The following SLC26A7 variants were observed in gnomAD, a reference collection of about 807,000 sequenced individuals.
The protein encoded by SLC26A7 is solute carrier family 26 member 7.
In SLC26A7, 59 loss-of-function variants were observed where a neutral mutation model predicts 82.5. The observed-to-expected ratio is 0.72, with a 90% CI of 0.58 to 0.89. The LOEUF (loss-of-function observed/expected upper bound fraction) is 0.89. SLC26A7 is among the 40% of genes least tolerant of loss of function. SLC26A7 has a pLI of 0.00. For missense variants in SLC26A7, 820 were observed against 793.0 expected (o/e 1.03, Z -0.41); for synonymous variants, 271 against 274.3 (o/e 0.99, Z 0.12).
In SLC26A7 at chr8:91,277,637, C is replaced by G. The variant is rs143954800; in HGVS notation, c.194-11499C>G. Reference sequence around the variant, plus strand: ...TATGGCCCTATAACCAGAACATTATCAATAAACTTGTTAATGTCTGCAATT... The same window carrying G: ...TATGGCCCTATAACCAGAACATTATGAATAAACTTGTTAATGTCTGCAATT... On this transcript the variant is annotated intron_variant, in intron 2 of 18. Coordinates refer to ENST00000276609, the MANE Select transcript of SLC26A7 (RefSeq NM_052832.4). Among the ~76,000 whole-genome samples the G allele has an allele frequency of 3.9e-5, 6 of 152,152 alleles. No homozygotes were observed. The East Asian group carries it at 1.2e-3, about 29-fold the overall frequency.
At chr8:91,255,055 A>C (rs2130704719) in intron 2 of SLC26A7, among the ~76,000 whole-genome samples, 1 of 152,266 alleles carries the variant, frequency 6.6e-6, no homozygotes, top group Admixed American at 6.5e-5. Context: ...CTCTGTTTCC[A>C]ACATGAAAAC....
chr8:91,267,548 T>C (rs1482133478), intron 2 of SLC26A7, among the ~76,000 whole-genome samples: 1 of 151,884 alleles, frequency 6.6e-6, no homozygotes, highest in African/African-American at 2.4e-5. Flanking sequence ...CATTGGTCAA[T>C]AGTTGTTCAC....
chr8:91,390,820 TGCC>T (rs1814945771), intron 16 of SLC26A7, among the ~76,000 whole-genome samples: 2 of 152,304 alleles, frequency 1.3e-5, no homozygotes, highest in East Asian at 3.9e-4. Flanking sequence ...GGCAGAAAGC[TGCC>T]ATGATCGGAG....
At chr8:91,324,040 T>A (rs1309559779) in intron 5 of SLC26A7, among the ~76,000 whole-genome samples, 1 of 152,102 alleles carries the variant, frequency 6.6e-6, no homozygotes, top group Non-Finnish European at 1.5e-5. Context: ...TCAGCCAGGC[T>A]GGTCTTGAAC....
At chr8:91,353,033 G>T in intron 11 of SLC26A7, 37 bp downstream of exon 11, 1 of 1,443,854 alleles carries the variant, frequency 6.9e-7, no homozygotes, top group Non-Finnish European at 9.6e-7. Flanking sequence ...TCCCTTTTTA[G>T]CTTAAGCTTA....
intron 2 of SLC26A7, among the ~76,000 whole-genome samples, chr8:91,279,123 G>GTATATATATATA (rs1223990677): frequency 1.3e-5 from 1 of 78,766 alleles, no homozygotes; most frequent in Non-Finnish European, 2.3e-5. Context: ...GTGTGTGTGT[G>GTATATATATATA]TGTATATATA....
At chr8:91,261,355 G>A (rs1319909807) in intron 2 of SLC26A7, among the ~76,000 whole-genome samples, 1 of 152,090 alleles carries the variant, frequency 6.6e-6, no homozygotes, top group African/African-American at 2.4e-5. Context: ...ATATGATCTT[G>A]TTATTTTAAC....
chr8:91,244,286 C>T (rs1260691110), intron 2 of SLC26A7, among the ~76,000 whole-genome samples: 1 of 152,012 alleles, frequency 6.6e-6, no homozygotes, highest in Non-Finnish European at 1.5e-5. Flanking sequence ...TTACTGCTTT[C>T]TCCTTTGCCT....
At chr8:91,295,741 A>T (rs1811999657) in intron 4 of SLC26A7, 38 bp downstream of exon 4, 1 of 1,589,596 alleles carries the variant, frequency 6.3e-7, no homozygotes, top group Admixed American at 1.8e-5. Flanking sequence ...AGAAAGGGAC[A>T]CAGCGGCACA....
chr8:91,224,505 A>G (rs1168653207), intron 2 of SLC26A7, among the ~76,000 whole-genome samples: 1 of 152,102 alleles, frequency 6.6e-6, no homozygotes, highest in East Asian at 1.9e-4. Flanking sequence ...ATTTGCTCCC[A>G]TGCCTGGAGA....
chr8:91,338,236 A>AT lies in SLC26A7; in HGVS notation c.878+5dup, dbSNP rs780719623. The AT allele has an allele frequency of 6.3e-7, 1 of 1,587,882 alleles. No individual in the cohort carries two copies. Among genetic ancestry groups the AT allele is most frequent in the South Asian group, 1.2e-5 (1 of 86,536 alleles). On this transcript the variant is annotated splice_donor_region_variant and intron_variant, in intron 7 of 18. Transcript: ENST00000276609. ...TAGTTGGTCATATTCCACAAGGGTA[A>AT]TGTAGTCCTTTTTAAAAACATATTA...
At chr8:91,210,562 G>GACACACACACAC (rs35968986) in intron 1 of SLC26A7, among the ~76,000 whole-genome samples, 3,161 of 146,152 alleles carry the variant, frequency 0.022, 44 homozygotes, top group Non-Finnish European at 0.026. Context: ...CACACACACA[G>GACACACACACAC]ACACACACAC....
chr8:91,359,895 T>C (rs368853446), intron 11 of SLC26A7, among the ~76,000 whole-genome samples: 152 of 151,426 alleles, frequency 1.0e-3, no homozygotes, highest in South Asian at 5.6e-3. Context: ...TGTGTGTGTG[T>C]GCGCATGTGT....
intron 16 of SLC26A7, among the ~76,000 whole-genome samples, chr8:91,390,643 C>T (rs1001757013): frequency 1.3e-5 from 2 of 151,940 alleles, no homozygotes; most frequent in Non-Finnish European, 2.9e-5. Context: ...AGCCTCCCTG[C>T]GTGGCTTGAC....
chr8:91,260,899 A>G (rs1440479875), intron 2 of SLC26A7, among the ~76,000 whole-genome samples: 1 of 152,136 alleles, frequency 6.6e-6, no homozygotes, highest in Non-Finnish European at 1.5e-5. Flanking sequence ...ATGTGTGTTT[A>G]TAGAAATTTG....
chr8:91,240,363 A>G (rs182903559), intron 2 of SLC26A7, among the ~76,000 whole-genome samples: 24 of 152,308 alleles, frequency 1.6e-4, no homozygotes, highest in East Asian at 1.3e-3. Flanking sequence ...GTAAATTTCA[A>G]TAGTGTTACT....
At chr8:91,236,225 T>C (rs10089490) in intron 2 of SLC26A7, among the ~76,000 whole-genome samples, 6,902 of 152,194 alleles carry the variant, frequency 0.045, 168 homozygotes, top group African/African-American at 0.063. Context: ...CTAACCTAAA[T>C]AGAATGAAAA....
intron 11 of SLC26A7, among the ~76,000 whole-genome samples, chr8:91,359,003 A>C (rs959212457): frequency 6.6e-6 from 1 of 152,240 alleles, no homozygotes; most frequent in African/African-American, 2.4e-5. Context: ...TGGCTGCAGC[A>C]CACCAACATG....
At position 91,349,592 on chromosome 8, in the gene SLC26A7, C is replaced by G. The variant is rs577326168; in HGVS notation, c.1141-2218C>G. Among the ~76,000 whole-genome samples, 35 of 152,274 alleles carry G rather than the reference C, an allele frequency of 2.3e-4. 2 individuals carry two copies. In the Middle Eastern group the frequency reaches 0.01, roughly 44 times the overall value. ...GGCGTTTTTGGATCCCAATTCAGTA[C>G]ATATTTTATATTACCTTCGTGCTTT... On this transcript the variant is annotated intron_variant, in intron 9 of 18. Coordinates refer to ENST00000276609, the MANE Select transcript of SLC26A7 (RefSeq NM_052832.4).
Sources: gnomAD v4.1 joint callset for allele counts (sites outside exome capture counted in the v4.1 genomes callset) on GRCh38, gnomAD v4.1.1 for gene constraint, MANE v1.5 for transcripts, NCBI Gene and HGNC (gene_info 2026-07-23, HGNC 2026-07-21) for gene names.